GRM5: variants seen among roughly 807,000 people sequenced by gnomAD.
GRM5 encodes the protein glutamate metabotropic receptor 5.
GRM5 carries 19 observed loss-of-function variants against 83.1 expected under a neutral mutation model. The ratio of observed to expected loss-of-function variants is 0.23; its 90% CI spans 0.16 to 0.34. GRM5 has a LOEUF of 0.34. Among genes scored for constraint, GRM5 ranks in the 10% least tolerant of loss-of-function variants. The probability of loss-of-function intolerance (pLI) is 1.00; values close to 1 mark genes in which losing one functional copy is unlikely to be tolerated. For missense variants in GRM5, 1,160 were observed against 1,588.3 expected (o/e 0.73, Z 4.58); for synonymous variants, 675 against 633.6 (o/e 1.07, Z -0.98).
chr11:88,679,939 A>T (rs1940434962), intron 3 of GRM5, among the ~76,000 whole-genome samples: 1 of 1,946 alleles, frequency 5.1e-4, no homozygotes, highest in African/African-American at 5.6e-4. Context: ...AATAAAAACA[A>T]ATAGACAAAA....
At chr11:88,657,129 A>G (rs957499732) in intron 3 of GRM5, among the ~76,000 whole-genome samples, 10 of 152,204 alleles carry the variant, frequency 6.6e-5, no homozygotes, top group African/African-American at 2.4e-4. Flanking sequence ...GTCTTTAAAC[A>G]AGAACACACA....
intron 1 of GRM5, among the ~76,000 whole-genome samples, chr11:89,057,227 T>C (rs541660622): frequency 1.3e-5 from 2 of 152,126 alleles, no homozygotes; most frequent in Non-Finnish European, 2.9e-5. Flanking sequence ...ATATTGCATA[T>C]GCCATCAATG....
intron 3 of GRM5, among the ~76,000 whole-genome samples, chr11:88,714,356 G>T (rs1393217086): frequency 6.6e-6 from 1 of 151,986 alleles, no homozygotes; most frequent in Non-Finnish European, 1.5e-5. Context: ...ATGCATAAAG[G>T]TGGTGGGTAG....
intron 2 of GRM5, among the ~76,000 whole-genome samples, chr11:89,020,642 C>T (rs556839488): frequency 1.4e-4 from 21 of 152,290 alleles, no homozygotes; most frequent in African/African-American, 5.1e-4. Flanking sequence ...AGACACAGAA[C>T]CGGAGGAACC....
intron 3 of GRM5, among the ~76,000 whole-genome samples, chr11:88,800,021 A>C (rs2135485152): frequency 6.6e-6 from 1 of 152,252 alleles, no homozygotes; most frequent in East Asian, 1.9e-4. Context: ...CCTAACTTGA[A>C]AGAAAAATCT....
intron 6 of GRM5, among the ~76,000 whole-genome samples, chr11:88,595,927 C>A (rs1292821971): frequency 6.6e-6 from 1 of 152,158 alleles, no homozygotes; most frequent in Non-Finnish European, 1.5e-5. Context: ...TTAGGTTCTG[C>A]AATTTTATTT....
chr11:88,871,222 A>C (rs2135561620), intron 2 of GRM5, among the ~76,000 whole-genome samples: 1 of 151,810 alleles, frequency 6.6e-6, no homozygotes, highest in Middle Eastern at 3.4e-3. Flanking sequence ...TCCCAGATGA[A>C]GAAACTACAG....
At chr11:88,910,523 C>T (rs1431524841) in intron 2 of GRM5, among the ~76,000 whole-genome samples, 3 of 152,202 alleles carry the variant, frequency 2.0e-5, no homozygotes, top group East Asian at 1.9e-4. Context: ...ACAGCAGTTA[C>T]ATCATTTTAC....
intron 2 of GRM5, among the ~76,000 whole-genome samples, chr11:88,904,372 T>C (rs1358096945): frequency 6.6e-6 from 1 of 152,190 alleles, no homozygotes; most frequent in East Asian, 1.9e-4. Context: ...ATTCATGCCA[T>C]CATATTTTTT....
chr11:89,046,593 AT>A (rs1941647273), intron 2 of GRM5, among the ~76,000 whole-genome samples: 1 of 152,214 alleles, frequency 6.6e-6, no homozygotes, highest in South Asian at 2.1e-4. Context: ...GAAGCAATAA[AT>A]TTTAAAACAA....
intron 2 of GRM5, among the ~76,000 whole-genome samples, chr11:89,043,128 C>G (rs1276422913): frequency 6.6e-6 from 1 of 152,128 alleles, no homozygotes; most frequent in Non-Finnish European, 1.5e-5. Flanking sequence ...TGCTATTTAT[C>G]CACATACTAT....
rs1942618735 is a variant in GRM5 at position 88,766,005 on chromosome 11, G to A, written c.911+83901C>T. On this transcript the variant is annotated intron_variant, in intron 3 of 9. Coordinates refer to ENST00000305447, the MANE Select transcript of GRM5 (RefSeq NM_001143831.3). ...TAAAACTCAACAACAAAATCACTCT[G>A]ATTCAAAAAAAGGCAAAGAACTTGA... Among the ~76,000 whole-genome samples the A allele has an allele frequency of 2.6e-5, 4 of 151,458 alleles. No homozygotes were observed. The South Asian group carries it at 8.3e-4, about 31-fold the overall frequency.
intron 9 of GRM5, among the ~76,000 whole-genome samples, chr11:88,521,231 C>T (rs928562102): frequency 9.2e-5 from 14 of 152,100 alleles, no homozygotes. Context: ...GCCTGGCCAA[C>T]ATAGTGAAAC....
In GRM5 at chr11:88,643,960, C is replaced by T. The variant is rs532700511; in HGVS notation, c.1147+9208G>A. ...TTCATCAGAGAGATTGTAGACAACT[C>T]TAGATTGAAACTTACTTTAAGAGAA... On this transcript the variant is annotated intron_variant, in intron 4 of 9. Transcript: ENST00000305447. 9.2e-5 allele frequency among the ~76,000 whole-genome samples: 14 copies of T among 152,248 alleles called. No homozygotes were observed. The South Asian group carries it at 2.9e-3, about 32-fold the overall frequency.
intron 2 of GRM5, among the ~76,000 whole-genome samples, chr11:89,012,723 TGACCA>T (rs1393169229): frequency 1.3e-5 from 2 of 152,170 alleles, no homozygotes; most frequent in Non-Finnish European, 2.9e-5. Flanking sequence ...GGCCCTACAT[TGACCA>T]AACATTAACG....
At chr11:88,932,169 T>C (rs915944329) in intron 2 of GRM5, among the ~76,000 whole-genome samples, 4 of 152,106 alleles carry the variant, frequency 2.6e-5, no homozygotes, top group African/African-American at 9.6e-5. Flanking sequence ...CTGTTTTCTA[T>C]TTTTTATCTT....
At chr11:89,050,132 A>G (rs561540798) in intron 1 of GRM5, among the ~76,000 whole-genome samples, 2 of 152,302 alleles carry the variant, frequency 1.3e-5, no homozygotes, top group African/African-American at 4.8e-5. Context: ...AAACCCCTAC[A>G]TATTGAGATA....
At position 88,508,685 on chromosome 11, in the gene GRM5, C is replaced by A. The variant is rs761407732; in HGVS notation, c.3546G>T (p.Ser1182=). The change falls in exon 10 of 10, where the codon TCG becomes TCT. Residue 1182 remains serine (S), a synonymous_variant. Coordinates refer to ENST00000305447, the MANE Select transcript of GRM5 (RefSeq NM_001143831.3). The surrounding 1 kb of genome is among the most constrained non-coding windows in gnomAD (Gnocchi z 4.2). The part of the protein sequence containing the change: ...SVDSGSTTPN[S]PVSESALCIP... ...TACAGAGGGCCGACTCGGACACTGG[C>A]GAGTTGGGGGTTGTGCTCCCCGAGT... 9 of 1,606,968 alleles carry A rather than the reference C, an allele frequency of 5.6e-6. No individual in the cohort carries two copies. The highest frequency in any genetic ancestry group is 1.7e-5 in the Admixed American group (1 of 59,650).
At chr11:89,043,015 C>T (rs1380202674) in intron 2 of GRM5, among the ~76,000 whole-genome samples, 1 of 152,144 alleles carries the variant, frequency 6.6e-6, no homozygotes, top group Non-Finnish European at 1.5e-5. Flanking sequence ...CCAGTGAAAA[C>T]AGAAAATGAA....
Sources: allele counts gnomAD v4.1 joint callset (sites outside exome capture counted in the v4.1 genomes callset), GRCh38; gene constraint gnomAD v4.1.1; non-coding constraint Gnocchi (gnomAD v3.1); transcripts MANE v1.5; gene names NCBI Gene and HGNC (gene_info 2026-07-23, HGNC 2026-07-21).